ANKS1B: variants seen among roughly 807,000 people sequenced by gnomAD.
The protein encoded by ANKS1B is ankyrin repeat and sterile alpha motif domain containing 1B.
A neutral mutation model predicts 148.3 loss-of-function variants in ANKS1B; 36 were observed. The observed-to-expected ratio is 0.24, with a 90% CI of 0.19 to 0.32. The LOEUF is 0.32. Among genes scored for constraint, ANKS1B ranks in the 10% least tolerant of loss-of-function variants. The probability of loss-of-function intolerance (pLI) is 1.00; values close to 1 mark genes in which losing one functional copy is unlikely to be tolerated. For missense variants in ANKS1B, 1,157 were observed against 1,542.6 expected, an observed-to-expected ratio of 0.75 and a Z score of 4.19; for synonymous variants, 542 against 560.8, an observed-to-expected ratio of 0.97 and a Z score of 0.47.
intron 14 of ANKS1B, among the ~76,000 whole-genome samples, chr12:99,179,356 G>C (rs1212570136): frequency 6.7e-6 from 1 of 148,562 alleles, no homozygotes; most frequent in Non-Finnish European, 1.5e-5. Flanking sequence ...GTGAACCCAG[G>C]AGATGGAGCT....
At chr12:99,116,940 A>G (rs2372724) in intron 15 of ANKS1B, among the ~76,000 whole-genome samples, 99,937 of 151,932 alleles carry the variant, frequency 0.66, 33,111 homozygotes, top group East Asian at 0.89. Context: ...ATATTCCTAG[A>G]TATTTTATTC....
At chr12:99,605,246 C>T (rs1350446289) in intron 9 of ANKS1B, among the ~76,000 whole-genome samples, 1 of 151,918 alleles carries the variant, frequency 6.6e-6, no homozygotes, top group Non-Finnish European at 1.5e-5. Context: ...ATGGAGTGTA[C>T]ATTGCATATA....
chr12:99,181,022 T>C (rs1404492984), intron 14 of ANKS1B, among the ~76,000 whole-genome samples: 3 of 152,224 alleles, frequency 2.0e-5, no homozygotes, highest in Non-Finnish European at 4.4e-5. Context: ...CATTAGAGTA[T>C]ACTGTTTTCT....
chr12:99,384,304 C>T (rs1039927018), intron 12 of ANKS1B, among the ~76,000 whole-genome samples: 6 of 152,180 alleles, frequency 3.9e-5, no homozygotes, highest in African/African-American at 7.2e-5. Context: ...TTCCTAACCA[C>T]GGTGAGCCTA....
At chr12:99,691,596 C>T (rs780281335) in intron 8 of ANKS1B, among the ~76,000 whole-genome samples, 14 of 152,202 alleles carry the variant, frequency 9.2e-5, no homozygotes, top group Non-Finnish European at 1.6e-4. Flanking sequence ...ACAAATTCCT[C>T]ATCTCCATCT....
chr12:99,342,577 T>A (rs2090085337), intron 12 of ANKS1B, among the ~76,000 whole-genome samples: 1 of 152,064 alleles, frequency 6.6e-6, no homozygotes. Flanking sequence ...TGAGATTCCA[T>A]GATTCCAAAA....
chr12:99,682,022 A>C (rs1183913293), intron 8 of ANKS1B, among the ~76,000 whole-genome samples: 40 of 152,244 alleles, frequency 2.6e-4, no homozygotes, highest in Admixed American at 2.6e-3. Flanking sequence ...AAAAACAAAG[A>C]GGGACATTAT....
At chr12:99,463,871 C>G (rs557772812) in intron 10 of ANKS1B, among the ~76,000 whole-genome samples, 6 of 150,390 alleles carry the variant, frequency 4.0e-5, no homozygotes, top group Admixed American at 6.6e-5. Flanking sequence ...AGGGCACAGA[C>G]GACAAAAAGA....
intron 17 of ANKS1B, among the ~76,000 whole-genome samples, chr12:98,868,192 TA>T (rs1402550394): frequency 3.9e-5 from 6 of 152,060 alleles, no homozygotes; most frequent in Non-Finnish European, 4.4e-5. Flanking sequence ...CTCAAATAGA[TA>T]AAAACCCGTA....
At chr12:99,655,281 T>C in intron 8 of ANKS1B, 71 bp from the exon 9 acceptor site, 10 of 1,348,312 alleles carry the variant, frequency 7.4e-6, no homozygotes, top group Non-Finnish European at 9.1e-6. Context: ...TCAATTAAAT[T>C]CTATAAATGA....
intron 8 of ANKS1B, among the ~76,000 whole-genome samples, chr12:99,746,312 C>G (rs1417065127): frequency 6.6e-6 from 1 of 152,128 alleles, no homozygotes; most frequent in Non-Finnish European, 1.5e-5. Context: ...TAGTCCCTAT[C>G]CAAGTGTTTA....
chr12:98,742,623 G>A (rs909695813), downstream of ANKS1B, among the ~76,000 whole-genome samples: 1 of 152,238 alleles, frequency 6.6e-6, no homozygotes, highest in Non-Finnish European at 1.5e-5. Context: ...AGGTCTCAGG[G>A]TTATTTCGAC....
At chr12:99,399,419 C>T (rs1025640434) in intron 12 of ANKS1B, among the ~76,000 whole-genome samples, 1 of 152,076 alleles carries the variant, frequency 6.6e-6, no homozygotes, top group Admixed American at 6.6e-5. Flanking sequence ...ATTAAATCAT[C>T]ATCTTTAATA....
Position 99,959,127 on chromosome 12 carries a change from C to T in ANKS1B, c.134+24977G>A, listed in dbSNP as rs573276631. On this transcript the variant is annotated intron_variant, in intron 1 of 26. Transcript: ENST00000683438. ...CTAGAGTGCAGTGGCATGGCGCGAT[C>T]TTGGCTCACTGCAATCTCTGCCTCC... Among the ~76,000 whole-genome samples, 422 of 144,714 alleles carry T rather than the reference C, an allele frequency of 2.9e-3. 1 individual carries two copies. Among genetic ancestry groups the T allele is most frequent in the Non-Finnish European group, 5.0e-3 (338 of 67,050 alleles). 94.9% of individuals were successfully genotyped at this position (144,714 alleles called of 152,430 possible).
Position 99,259,528 on chromosome 12 carries a change from A to G in ANKS1B, c.1757-12664T>C, listed in dbSNP as rs74748166. Among the ~76,000 whole-genome samples the G allele has an allele frequency of 5.4e-4, 83 of 152,338 alleles. 1 individual carries two copies. In the East Asian group the frequency reaches 0.011, roughly 20 times the overall value. ...ATGCTGTTTGACTCTGATTTCAAAC[A>G]TTTATAATCTTTTCTCTTGTTCCCT... On this transcript the variant is annotated intron_variant, in intron 12 of 26. Coordinates refer to ENST00000683438, the MANE Select transcript of ANKS1B (RefSeq NM_001352186.2).
At chr12:99,215,544 G>A (rs2084030199) in intron 14 of ANKS1B, among the ~76,000 whole-genome samples, 1 of 152,240 alleles carries the variant, frequency 6.6e-6, no homozygotes, top group East Asian at 1.9e-4. Flanking sequence ...TAGGGCTGGA[G>A]CTGCCCAAGG....
chr12:99,897,444 T>C (rs7308016), intron 1 of ANKS1B, among the ~76,000 whole-genome samples: 7,913 of 151,232 alleles, frequency 0.052, 731 homozygotes, highest in African/African-American at 0.18. Context: ...ATAACTAAAG[T>C]CATCCTCAGT....
intron 8 of ANKS1B, among the ~76,000 whole-genome samples, chr12:99,658,494 C>T (rs756729544): frequency 6.6e-6 from 1 of 152,032 alleles, no homozygotes; most frequent in South Asian, 2.1e-4. Flanking sequence ...ATATCATGTT[C>T]TTCTGCTTGT....
At chr12:98,836,204 T>C (rs376209613) in intron 17 of ANKS1B, among the ~76,000 whole-genome samples, 2 of 152,216 alleles carry the variant, frequency 1.3e-5, no homozygotes, top group African/African-American at 4.8e-5. Context: ...CTTAAGATGT[T>C]GCTTCTTACT....
Sources: allele counts gnomAD v4.1 joint callset (sites outside exome capture counted in the v4.1 genomes callset), GRCh38; gene constraint gnomAD v4.1.1; transcripts MANE v1.5; gene names NCBI Gene and HGNC (gene_info 2026-07-23, HGNC 2026-07-21).